Variants in TULP3 observed in about 807,000 individuals in gnomAD.
The protein encoded by TULP3 is TUB like protein 3.
TULP3 carries 38 observed loss-of-function variants against 50.7 expected under a neutral mutation model. The observed-to-expected ratio is 0.75, with a 90% CI of 0.58 to 0.98. TULP3 has a LOEUF of 0.98. TULP3 is among the 50% of genes least tolerant of loss of function. The pLI is 0.00. For synonymous variants in TULP3, 183 were observed against 196.6 expected (o/e 0.93, Z 0.58); for missense variants, 550 against 568.0 (o/e 0.97, Z 0.32).
intron 1 of TULP3, among the ~76,000 whole-genome samples, chr12:2,907,994 T>C (rs991377178): frequency 1.3e-5 from 2 of 152,158 alleles, no homozygotes; most frequent in African/African-American, 4.8e-5. Context: ...TAGAGAGGCA[T>C]GTCAGAAAAT....
At chr12:2,929,173 C>T (rs867438283) in intron 4 of TULP3, among the ~76,000 whole-genome samples, 16 of 151,654 alleles carry the variant, frequency 1.1e-4, no homozygotes, top group East Asian at 2.0e-4. Flanking sequence ...AAAAATTAGC[C>T]GGGCATGGTG....
intron 1 of TULP3, among the ~76,000 whole-genome samples, chr12:2,901,297 TTTC>T (rs1402428981): frequency 3.3e-4 from 14 of 42,966 alleles, no homozygotes; most frequent in African/African-American, 1.5e-3. Context: ...TTTTTTTTTC[TTTC>T]TTTCTTTCTT....
At chr12:2,907,385 G>A (rs538944411) in intron 1 of TULP3, among the ~76,000 whole-genome samples, 1 of 151,394 alleles carries the variant, frequency 6.6e-6, no homozygotes, top group African/African-American at 2.4e-5. Flanking sequence ...TGAGGCAGGA[G>A]AATCGCTTGA....
intron 1 of TULP3, among the ~76,000 whole-genome samples, chr12:2,909,237 A>C (rs2098184052): frequency 6.6e-6 from 1 of 152,204 alleles, no homozygotes; most frequent in African/African-American, 2.4e-5. Context: ...CATAATGCGT[A>C]CCTAAGACAT....
intron 4 of TULP3, among the ~76,000 whole-genome samples, chr12:2,929,841 A>G (rs1404896177): frequency 2.0e-5 from 3 of 152,176 alleles, no homozygotes; most frequent in East Asian, 3.9e-4. Flanking sequence ...TGCCCACCTC[A>G]GCCTCCCAAA....
chr12:2,934,468 G>C lies in TULP3; in HGVS notation c.831G>C (p.Lys277Asn), dbSNP rs768256239. The stretch of plus-strand genomic sequence containing the variant: ...CCAGATCCAACCTCATGGGGACCAA[G>C]TTTACAGTTTATGACCGTGGCATCT... The part of the protein sequence containing the change: ...GKLRSNLMGT[K>N]FTVYDRGICP... Residue 277 changes from lysine (K) to asparagine (N), a missense_variant, in exon 8 of 11, where the codon AAG becomes AAC. Coordinates refer to ENST00000448120, the MANE Select transcript of TULP3 (RefSeq NM_003324.5). 4.4e-6 allele frequency: 7 copies of C among 1,597,006 alleles called. No individual in the cohort carries two copies. The highest frequency in any genetic ancestry group is 1.8e-5 in the Admixed American group (1 of 57,052).
intron 2 of TULP3, among the ~76,000 whole-genome samples, chr12:2,919,484 C>A (rs1273872803): frequency 6.6e-6 from 1 of 152,148 alleles, no homozygotes; most frequent in Non-Finnish European, 1.5e-5. Flanking sequence ...TTGATAGTCT[C>A]ACCCCTTGGA....
intron 1 of TULP3, among the ~76,000 whole-genome samples, chr12:2,901,145 C>T (rs1275549820): frequency 6.6e-6 from 1 of 151,416 alleles, no homozygotes; most frequent in Non-Finnish European, 1.5e-5. Context: ...GAGAAAGGGT[C>T]TCTGTTCCCC....
intron 1 of TULP3, among the ~76,000 whole-genome samples, chr12:2,907,757 A>G (rs1005296961): frequency 7.2e-5 from 11 of 152,040 alleles, no homozygotes; most frequent in African/African-American, 2.4e-4. Context: ...TTAATGAAGG[A>G]TTTTTAAATT....
At chr12:2,916,103 G>A (rs1245391492) in intron 2 of TULP3, among the ~76,000 whole-genome samples, 2 of 151,772 alleles carry the variant, frequency 1.3e-5, no homozygotes, top group African/African-American at 4.8e-5. Flanking sequence ...TTTGCCTCCC[G>A]GGTTCAAGCA....
intron 1 of TULP3, among the ~76,000 whole-genome samples, chr12:2,899,140 G>A (rs1270952664): frequency 6.6e-6 from 1 of 151,834 alleles, no homozygotes; most frequent in Non-Finnish European, 1.5e-5. Flanking sequence ...GAGGTCAGGA[G>A]TTAGAGACCA....
intron 4 of TULP3, among the ~76,000 whole-genome samples, chr12:2,929,693 C>G (rs9988979): frequency 6.6e-6 from 1 of 151,664 alleles, no homozygotes; most frequent in Non-Finnish European, 1.5e-5. Flanking sequence ...CAGGTTCAAG[C>G]GATTCTCCTG....
At chr12:2,902,405 A>T (rs991218194) in intron 1 of TULP3, among the ~76,000 whole-genome samples, 2 of 152,148 alleles carry the variant, frequency 1.3e-5, no homozygotes, top group African/African-American at 4.8e-5. Context: ...CCTGGCAAGG[A>T]TGGTGTTTAC....
At chr12:2,918,688 C>A (rs990583944) in intron 2 of TULP3, among the ~76,000 whole-genome samples, 2 of 151,438 alleles carry the variant, frequency 1.3e-5, no homozygotes, top group Non-Finnish European at 2.9e-5. Flanking sequence ...TACAGGCATG[C>A]GCCGCCACAT....
At chr12:2,912,508 G>A (rs146719255) in intron 2 of TULP3, among the ~76,000 whole-genome samples, 14 of 152,312 alleles carry the variant, frequency 9.2e-5, no homozygotes, top group African/African-American at 2.4e-4. Context: ...CTGCCCAGAT[G>A]TACATTAGAT....
At position 2,920,877 on chromosome 12, in the gene TULP3, C is replaced by G. The variant is rs747555221; in HGVS notation, c.208C>G (p.Pro70Ala). ...GCCAAGGGCCAGTGATGAGCAGACT[C>G]CCTTGGTGAACTGTCATACTCCCCA... is the stretch of plus-strand genomic sequence containing the variant. The part of the protein sequence containing the change: ...AKPRASDEQT[P>A]LVNCHTPHSN... The change falls in exon 3 of 11, where the codon CCC (proline) becomes GCC (alanine). Residue 70 changes from proline (P) to alanine (A), a missense_variant. Transcript: ENST00000448120. 4 of 1,614,016 alleles carry G rather than the reference C, an allele frequency of 2.5e-6. No individual in the cohort carries two copies. The highest frequency in any genetic ancestry group is 2.5e-6 in the Non-Finnish European group (3 of 1,180,032).
rs116121546 is a variant in TULP3 at position 2,890,910 on chromosome 12, A to G, written c.-38A>G. 2.6e-3 allele frequency: 4,037 copies of G among 1,561,300 alleles called. 96 individuals carry two copies. In the African/African-American group the frequency reaches 0.048, roughly 19 times the overall value. On this transcript the variant is annotated 5_prime_UTR_variant, in exon 1 of 11. Transcript: ENST00000448120. Reference sequence around the variant, plus strand: ...CTAGCCACTCTAGCGACGGCGGGGAAGAGTGTGTACGTGGTGGGGGCTTCC... The same window carrying G: ...CTAGCCACTCTAGCGACGGCGGGGAGGAGTGTGTACGTGGTGGGGGCTTCC...
At position 2,940,169 on chromosome 12, in the gene TULP3, G is replaced by A. The variant is rs1378300269; in HGVS notation, c.*725G>A. On this transcript the variant is annotated 3_prime_UTR_variant, in exon 11 of 11. Transcript: ENST00000448120. ...ACTCAGTCAGGACTGACAGTAATGT[G>A]ATAATTGCCTTCATTTTCAACCCAG... 7.7e-7 allele frequency: 1 copy of A among 1,304,774 alleles called. No homozygotes were observed. Among genetic ancestry groups the A allele is most frequent in the African/African-American group, 1.5e-5 (1 of 66,562 alleles). 80.8% of individuals were successfully genotyped at this position (1,304,774 alleles called of 1,614,324 possible). A position where few individuals can be genotyped will look rare whatever the true frequency, so the allele number is the denominator to read the frequency against.
chr12:2,899,112 C>A (rs376720436), intron 1 of TULP3, among the ~76,000 whole-genome samples: 1 of 151,352 alleles, frequency 6.6e-6, no homozygotes, highest in East Asian at 2.0e-4. Flanking sequence ...TTGAGAGGCT[C>A]ATGCGGGTGG....
Sources: gnomAD v4.1 joint callset for allele counts (sites outside exome capture counted in the v4.1 genomes callset) on GRCh38, gnomAD v4.1.1 for gene constraint, MANE v1.5 for transcripts, NCBI Gene and HGNC (gene_info 2026-07-23, HGNC 2026-07-21) for gene names.